Variants in CPZ observed in about 807,000 individuals in gnomAD.
The protein encoded by CPZ is VEZT/CPZ fusion.
In CPZ, 103 loss-of-function variants were observed where a neutral mutation model predicts 61.8. The ratio of observed to expected loss-of-function variants is 1.67; its 90% confidence interval spans 1.42 to 1.96. CPZ has a LOEUF of 1.96. Among genes scored for constraint, CPZ ranks in the 30% most tolerant of loss-of-function variants. CPZ has a pLI of 0.00. For missense variants in CPZ, 1,461 were observed against 914.9 expected, an observed-to-expected ratio of 1.60 and a Z score of -7.70; for synonymous variants, 551 against 373.7, an observed-to-expected ratio of 1.47 and a Z score of -5.47.
intron 4 of CPZ, 25 bp from the exon 5 acceptor site, chr4:8,605,964 C>T: frequency 6.2e-7 from 1 of 1,603,406 alleles, no homozygotes; most frequent in Non-Finnish European, 8.5e-7. Context: ...GAGATGATGC[C>T]CCAAGTCTCT....
intron 4 of CPZ, among the ~76,000 whole-genome samples, chr4:8,604,945 C>T (rs1714825317): frequency 6.6e-6 from 1 of 152,326 alleles, no homozygotes; most frequent in East Asian, 1.9e-4. Context: ...GGGCCAGAGG[C>T]CACCTGGCCA....
At chr4:8,611,006 A>C (rs776971387) in intron 7 of CPZ, among the ~76,000 whole-genome samples, 1 of 88,116 alleles carries the variant, frequency 1.1e-5, no homozygotes, top group African/African-American at 3.2e-5. Context: ...TCACTCATTC[A>C]CTCACTCATT....
chr4:8,614,662 A>C (rs1341859937), intron 9 of CPZ, among the ~76,000 whole-genome samples, 164 bp downstream of exon 9: 1 of 152,148 alleles, frequency 6.6e-6, no homozygotes, highest in East Asian at 1.9e-4. Flanking sequence ...ACAACTTGAG[A>C]TACAGTAGCC....
chr4:8,615,247 C>T (rs936482749), intron 9 of CPZ, among the ~76,000 whole-genome samples: 30 of 151,976 alleles, frequency 2.0e-4, no homozygotes, highest in Admixed American at 1.7e-3. Context: ...ATGACCCCCT[C>T]GCTGCCCCAG....
chr4:8,619,462 G>C lies in CPZ; in HGVS notation c.1804G>C (p.Asp602His), dbSNP rs151079768. The C allele has an allele frequency of 6.2e-7, 1 of 1,611,510 alleles. No homozygotes were observed. Among genetic ancestry groups the C allele is most frequent in the Non-Finnish European group, 8.5e-7 (1 of 1,178,440 alleles). Residue 602 changes from aspartate to histidine, a missense_variant, in exon 11 of 11, where the codon GAC becomes CAC. Coordinates refer to ENST00000360986, the MANE Select transcript of CPZ (RefSeq NM_001014447.3). ...IHGLRRTGPH[D>H]PLGGASSLGE... is the part of the protein sequence containing the mutation. Reference sequence around the variant, plus strand: ...TGGGCTGCGGAGGACTGGGCCCCACGACCCACTGGGAGGTGCCAGCTCTTT... The same window carrying C: ...TGGGCTGCGGAGGACTGGGCCCCACCACCCACTGGGAGGTGCCAGCTCTTT...
rs1361431471 is a variant in CPZ, at chr4:8,606,079, C to G, written c.800C>G (p.Ser267Cys). 1.1e-5 allele frequency: 18 copies of G among 1,614,104 alleles called. No homozygotes were observed. Among genetic ancestry groups the G allele is most frequent in the Non-Finnish European group, 1.5e-5 (18 of 1,180,038 alleles). Residue 267 changes from serine (S) to cysteine (C), a missense_variant, in exon 5 of 11, where the codon TCT becomes TGT. Coordinates refer to ENST00000360986, the MANE Select transcript of CPZ (RefSeq NM_001014447.3). ...MLIYLAQYLC[S>C]EYLLGNPRIQ... ...ATCTACCTAGCCCAGTACCTGTGCT[C>G]TGAGTACCTGCTTGGTAACCCCCGC...
At position 8,592,902 on chromosome 4, in the gene CPZ, G is replaced by T; in HGVS notation, c.69G>T (p.Glu23Asp). 2 of 1,535,168 alleles carry T rather than the reference G, an allele frequency of 1.3e-6. No homozygotes were observed. The highest frequency in any genetic ancestry group is 1.7e-6 in the Non-Finnish European group (2 of 1,144,276). ...LVVAAARPGC[E>D]FERNPAGECH... is the part of the protein sequence containing the mutation. Reference sequence around the variant, plus strand: ...TCGCCGCTGCCCGGCCGGGGTGCGAGTTTGAGCGGAACCCCGCCGGTAAGG... The same window carrying T: ...TCGCCGCTGCCCGGCCGGGGTGCGATTTTGAGCGGAACCCCGCCGGTAAGG... The change falls in exon 1 of 11, where the codon GAG (glutamate) becomes GAT (aspartate). Residue 23 changes from glutamate to aspartate, a missense_variant. Physicochemically the swap from Glu to Asp is conservative, Grantham distance 45. Coordinates refer to ENST00000360986, the MANE Select transcript of CPZ (RefSeq NM_001014447.3).
At chr4:8,605,073 A>G (rs1408585991) in intron 4 of CPZ, among the ~76,000 whole-genome samples, 1 of 152,232 alleles carries the variant, frequency 6.6e-6, no homozygotes, top group African/African-American at 2.4e-5. Flanking sequence ...CCTGTGCAGA[A>G]GGCCAAGGGA....
intron 4 of CPZ, among the ~76,000 whole-genome samples, chr4:8,605,634 T>TATCCATCCATCCATCCATCCATCC (rs953384114): frequency 7.4e-5 from 11 of 148,682 alleles, no homozygotes; most frequent in African/African-American, 2.8e-4. Flanking sequence ...ATCATTGATA[T>TATCCATCCATCCATCCATCCATCC]ATCCATTCAT....
chr4:8,614,222 C>T (rs1372832145), intron 8 of CPZ, 137 bp from the exon 9 acceptor site: 17 of 1,219,898 alleles, frequency 1.4e-5, no homozygotes, highest in Non-Finnish European at 1.6e-5. Context: ...ACTTGGCTGA[C>T]ACCCCGACGT....
In CPZ at chr4:8,612,148, A is replaced by T. The variant is rs953262482; in HGVS notation, c.1349A>T (p.Tyr450Phe). 1 of 1,445,328 alleles carries T rather than the reference A, an allele frequency of 6.9e-7. No homozygotes were observed. The highest frequency in any genetic ancestry group is 9.3e-7 in the Non-Finnish European group (1 of 1,077,888). The allele number at this position is 1,445,328 out of a possible 1,614,324, so 89.5% of individuals were successfully genotyped here. ...AGCATCATCAACGGGGCGGACTGGTACAGCTTCACGGGAGGTGCGGCTTCC... is the reference window on the plus strand; with the variant it reads ...AGCATCATCAACGGGGCGGACTGGTTCAGCTTCACGGGAGGTGCGGCTTCC... The part of the protein sequence containing the change: ...RGSIINGADW[Y>F]SFTGGMSDFN... Residue 450 changes from tyrosine to phenylalanine, a missense_variant, in exon 8 of 11, where the codon TAC (tyrosine) becomes TTC (phenylalanine). Tyr to Phe is a conservative substitution (Grantham distance 22). Coordinates refer to ENST00000360986, the MANE Select transcript of CPZ (RefSeq NM_001014447.3).
chr4:8,595,421 C>A (rs1160418459), intron 1 of CPZ, among the ~76,000 whole-genome samples: 1 of 152,248 alleles, frequency 6.6e-6, no homozygotes, highest in African/African-American at 2.4e-5. Context: ...GTCGTCCTGG[C>A]TTTGCTCTGT....
At chr4:8,605,913 C>A in intron 4 of CPZ, 76 bp from the exon 5 acceptor site, 9 of 1,448,682 alleles carry the variant, frequency 6.2e-6, no homozygotes, top group Non-Finnish European at 8.6e-6. Flanking sequence ...GTCATTCTTG[C>A]TGAGTGGGGG....
rs1457275585 is a variant in CPZ at position 8,619,565 on chromosome 4, C to A, written c.1907C>A (p.Ser636Tyr). The change falls in exon 11 of 11, where the codon TCC becomes TAC. Residue 636 changes from serine (S) to tyrosine (Y), a missense_variant. Transcript: ENST00000360986. ...GACGGGAGTAAGCCCTGGTGGTGGT[C>A]CTACTTCACATCGCTGAGCACCCAC... ...SADGSKPWWWSYFTSLSTHRP... is the reference protein window; with the variant it reads ...SADGSKPWWWYYFTSLSTHRP... 6.5e-7 allele frequency: 1 copy of A among 1,540,506 alleles called. No individual in the cohort carries two copies. The highest frequency in any genetic ancestry group is 2.0e-5 in the Admixed American group (1 of 50,480).
At chr4:8,618,114 G>C (rs1410452089) in intron 9 of CPZ, 2 of 359,878 alleles carry the variant, frequency 5.6e-6, no homozygotes, top group Admixed American at 4.4e-5. Flanking sequence ...ATGCCGATCA[G>C]GCAGAAGAGT....
At chr4:8,614,332 G>A in intron 8 of CPZ, 27 bp from the exon 9 acceptor site, 5 of 1,604,032 alleles carry the variant, frequency 3.1e-6, no homozygotes, top group Non-Finnish European at 3.4e-6. Flanking sequence ...TGACACCCCT[G>A]ACGTCCCCGC....
chr4:8,615,547 C>T lies in CPZ; in HGVS notation c.1503+1049C>T, dbSNP rs150748750. 9.6e-4 allele frequency among the ~76,000 whole-genome samples: 146 copies of T among 152,362 alleles called. 1 individual carries two copies. The highest frequency in any genetic ancestry group is 3.2e-3 in the African/African-American group (132 of 41,596). ...TGAGGGCGCAGCACCGTACAGTTGG[C>T]GCCCACCCACACAGGGCAGCCGGTT... On this transcript the variant is annotated intron_variant, in intron 9 of 10. Transcript: ENST00000360986.
intron 1 of CPZ, 81 bp from the exon 2 acceptor site, chr4:8,599,372 C>G: frequency 6.7e-7 from 1 of 1,491,378 alleles, no homozygotes; most frequent in East Asian, 2.5e-5. Flanking sequence ...CCTACCTGCA[C>G]TCAGGGCCCT....
In CPZ at chr4:8,592,797, A is replaced by C. The variant is rs1489466900; in HGVS notation, c.-37A>C. 3.7e-6 allele frequency: 5 copies of C among 1,356,608 alleles called. No homozygotes were observed. The Admixed American group carries it at 1.5e-4, about 39-fold the overall frequency. 84.0% of individuals were successfully genotyped at this position (1,356,608 alleles called of 1,614,324 possible). A position where few individuals can be genotyped will look rare whatever the true frequency, so the allele number is the denominator to read the frequency against. ...CGGCCCCGCGCGGCCCGAGTGCCAC[A>C]TCACTGCGCTGGCCGTCCAAGGTCC... On this transcript the variant is annotated 5_prime_UTR_variant, in exon 1 of 11. Transcript: ENST00000360986.
Sources: gnomAD v4.1 joint callset for allele counts (sites outside exome capture counted in the v4.1 genomes callset) on GRCh38, gnomAD v4.1.1 for gene constraint, MANE v1.5 for transcripts, NCBI Gene and HGNC (gene_info 2026-07-23, HGNC 2026-07-21) for gene names.